MAP3K13: variants seen among roughly 807,000 people sequenced by gnomAD.
The protein encoded by MAP3K13 is leucine zipper-bearing kinase.
Under a neutral mutation model 104.0 loss-of-function variants are expected in MAP3K13, and 52 were observed. That is an observed-to-expected ratio of 0.50 (90% CI 0.40 to 0.63). The LOEUF (loss-of-function observed/expected upper bound fraction) is 0.63. MAP3K13 is among the 20% of genes least tolerant of loss of function. MAP3K13 has a pLI of 0.00. For synonymous variants in MAP3K13, 394 were observed against 442.2 expected (o/e 0.89, Z 1.37); for missense variants, 914 against 1,218.5 (o/e 0.75, Z 3.72).
At position 185,450,009 on chromosome 3, in the gene MAP3K13, G is replaced by GTTCCTTCCAC; in HGVS notation, c.1123_1132dup (p.Cys378SerfsTer6). 6.2e-7 allele frequency: 1 copy of GTTCCTTCCAC among 1,613,574 alleles called. No homozygotes were observed. On this transcript the variant is annotated frameshift_variant, in exon 6 of 14. Transcript: ENST00000265026. LOFTEE classifies it high-confidence loss of function. This position sits in a 1 kb window ranked among gnomAD's most constrained non-coding sequence, Gnocchi z 4.2. ...TGGAAGCAACAGCCTCCACCTTCCA[G>GTTCCTTCCAC]TTCCTTCCACTTGCCCTGATGGATT...
intron 2 of MAP3K13, among the ~76,000 whole-genome samples, chr3:185,310,123 T>A (rs1333332050): frequency 6.6e-6 from 1 of 152,196 alleles, no homozygotes; most frequent in Non-Finnish European, 1.5e-5. Context: ...CCTTGAACAC[T>A]GTAGACTCCA....
Position 185,484,792 on chromosome 3 carries a change from T to C in MAP3K13, c.*2336T>C, listed in dbSNP as rs1003284867. The C allele has an allele frequency of 6.6e-6, 1 of 152,234 alleles. No individual in the cohort carries two copies. The highest frequency in any genetic ancestry group is 2.4e-5 in the African/African-American group (1 of 41,458). The allele number at this position is 152,234 out of a possible 1,614,324, so 9.4% of individuals were successfully genotyped here. The stretch of plus-strand genomic sequence containing the variant: ...TTATTATCATTGTTATTTTATTTTA[T>C]AATATTATCATTCTCATTTTCTGTC... On this transcript the variant is annotated 3_prime_UTR_variant, in exon 14 of 14. Coordinates refer to ENST00000265026, the MANE Select transcript of MAP3K13 (RefSeq NM_004721.5).
intron 2 of MAP3K13, among the ~76,000 whole-genome samples, chr3:185,289,379 G>A (rs1253830465): frequency 2.0e-5 from 3 of 152,018 alleles, no homozygotes; most frequent in Non-Finnish European, 4.4e-5. Context: ...TTGTCGATGG[G>A]TTTAATCTCT....
chr3:185,459,750 G>A lies in MAP3K13; in HGVS notation c.1279-3800G>A, dbSNP rs115858432. On this transcript the variant is annotated intron_variant, in intron 7 of 13. Coordinates refer to ENST00000265026, the MANE Select transcript of MAP3K13 (RefSeq NM_004721.5). ...TAGACATGAGCCACTCCACCCGGCC[G>A]ATTTTAACCATTTTTGAATGCATGA... Among the ~76,000 whole-genome samples, 361 of 152,116 alleles carry A rather than the reference G, an allele frequency of 2.4e-3. 1 individual carries two copies. The highest frequency in any genetic ancestry group is 8.4e-3 in the African/African-American group (349 of 41,516).
chr3:185,424,711 C>T (rs539397131), intron 1 of MAP3K13, among the ~76,000 whole-genome samples: 1 of 152,162 alleles, frequency 6.6e-6, no homozygotes, highest in Non-Finnish European at 1.5e-5. Context: ...ATGTAAACAG[C>T]CTTCTGTAAA....
At chr3:185,308,032 T>TTTTTG (rs1721361351) in intron 2 of MAP3K13, among the ~76,000 whole-genome samples, 2 of 142,286 alleles carry the variant, frequency 1.4e-5, no homozygotes, top group Non-Finnish European at 3.1e-5. Flanking sequence ...TTTTTTTTTT[T>TTTTTG]GAGACTTACT....
intron 1 of MAP3K13, among the ~76,000 whole-genome samples, chr3:185,396,351 C>A (rs1488002989): frequency 6.6e-6 from 1 of 151,904 alleles, no homozygotes; most frequent in Non-Finnish European, 1.5e-5. Flanking sequence ...GCCTGGGTGA[C>A]AGAGGAAGAC....
At chr3:185,410,007 G>A (rs914963092) in intron 1 of MAP3K13, among the ~76,000 whole-genome samples, 7 of 152,080 alleles carry the variant, frequency 4.6e-5, no homozygotes, top group African/African-American at 1.7e-4. Flanking sequence ...CATAAGGCGC[G>A]CACAACCTTA....
intron 1 of MAP3K13, among the ~76,000 whole-genome samples, chr3:185,386,996 T>A (rs956510106): frequency 6.6e-6 from 1 of 152,106 alleles, no homozygotes; most frequent in East Asian, 1.9e-4. Flanking sequence ...TGCAGCAAAC[T>A]ACCATGGCAC....
At chr3:185,467,075 T>C (rs1717484585) in intron 10 of MAP3K13, 112 bp downstream of exon 10, 2 of 1,208,450 alleles carry the variant, frequency 1.7e-6, no homozygotes, top group Non-Finnish European at 2.4e-6. Flanking sequence ...CAGATGACTG[T>C]AGAGATACTC....
intron 1 of MAP3K13, among the ~76,000 whole-genome samples, chr3:185,416,374 A>G (rs1713769642): frequency 6.6e-6 from 1 of 151,898 alleles, no homozygotes; most frequent in Non-Finnish European, 1.5e-5. Flanking sequence ...GCTAACAAAT[A>G]TTGAGGGTAA....
Position 185,288,599 on chromosome 3 carries a change from T to A in MAP3K13, c.-86+2956T>A, listed in dbSNP as rs544557802. ...TATTGAGTTAGTCAATGAGAAAAAATAAATAAATAAATAAGTGCATTAAGG... is the reference window on the plus strand; with the variant it reads ...TATTGAGTTAGTCAATGAGAAAAAAAAAATAAATAAATAAGTGCATTAAGG... On this transcript the variant is annotated intron_variant, in intron 2 of 14. Transcript: ENST00000424227. Among the ~76,000 whole-genome samples, 663 of 150,024 alleles carry A rather than the reference T, an allele frequency of 4.4e-3. 3 individuals carry two copies. Among genetic ancestry groups the A allele is most frequent in the African/African-American group, 0.015 (623 of 40,856 alleles).
intron 2 of MAP3K13, among the ~76,000 whole-genome samples, chr3:185,323,244 G>T (rs1421754735): frequency 6.6e-6 from 1 of 151,578 alleles, no homozygotes; most frequent in Non-Finnish European, 1.5e-5. Context: ...CTAAAAGCCA[G>T]ACTTTATTTG....
At chr3:185,424,524 C>A (rs1714307419) in intron 1 of MAP3K13, among the ~76,000 whole-genome samples, 1 of 152,150 alleles carries the variant, frequency 6.6e-6, no homozygotes, top group Non-Finnish European at 1.5e-5. Context: ...CTGGCTTATA[C>A]ACCAGCTTTT....
chr3:185,304,697 G>T (rs1054558649), intron 2 of MAP3K13, among the ~76,000 whole-genome samples: 5 of 151,900 alleles, frequency 3.3e-5, no homozygotes, highest in Non-Finnish European at 5.9e-5. Context: ...ACAGTGGCGC[G>T]ATCTTGGCTC....
At chr3:185,427,015 T>C (rs1335287800) in intron 1 of MAP3K13, among the ~76,000 whole-genome samples, 1 of 152,158 alleles carries the variant, frequency 6.6e-6, no homozygotes, top group Admixed American at 6.6e-5. Context: ...AAGGAAGGAA[T>C]GACTGTTACA....
At chr3:185,396,397 T>G (rs138788625) in intron 1 of MAP3K13, among the ~76,000 whole-genome samples, 1 of 150,744 alleles carries the variant, frequency 6.6e-6, no homozygotes, top group African/African-American at 2.4e-5. Flanking sequence ...TAATTAAAAA[T>G]AGGTACATCC....
chr3:185,382,455 T>G (rs1222753030), intron 1 of MAP3K13, among the ~76,000 whole-genome samples: 1 of 152,034 alleles, frequency 6.6e-6, no homozygotes, highest in Non-Finnish European at 1.5e-5. Context: ...AGGAGAAAAA[T>G]TGTCAAGTAT....
intron 2 of MAP3K13, among the ~76,000 whole-genome samples, chr3:185,435,016 T>C (rs891647572): frequency 6.6e-6 from 1 of 151,996 alleles, no homozygotes; most frequent in Non-Finnish European, 1.5e-5. Flanking sequence ...TTGTTGTTGT[T>C]GTTTTGAGAC....
Sources: allele counts gnomAD v4.1 joint callset (sites outside exome capture counted in the v4.1 genomes callset), GRCh38; gene constraint gnomAD v4.1.1; non-coding constraint Gnocchi (gnomAD v3.1); transcripts MANE v1.5; gene names NCBI Gene and HGNC (gene_info 2026-07-23, HGNC 2026-07-21).